The following MDN1 variants were observed in gnomAD, a reference collection of about 807,000 sequenced individuals.
MDN1 encodes midasin.
A neutral mutation model predicts 669.2 loss-of-function variants in MDN1; 266 were observed. That is an observed-to-expected ratio of 0.40 (90% CI 0.36 to 0.44). The LOEUF (loss-of-function observed/expected upper bound fraction) is 0.44. Ranked by LOEUF, MDN1 falls within the 20% of genes least tolerant of loss-of-function variation. The pLI is 1.00. For missense variants in MDN1, 5,940 were observed against 6,754.0 expected, an observed-to-expected ratio of 0.88 and a Z score of 4.22; for synonymous variants, 2,385 against 2,457.1, an observed-to-expected ratio of 0.97 and a Z score of 0.87.
intron 2 of MDN1, among the ~76,000 whole-genome samples, chr6:89,802,986 A>G (rs1450181004): frequency 6.6e-6 from 1 of 152,158 alleles, no homozygotes; most frequent in Non-Finnish European, 1.5e-5. Context: ...AATCTTTCCC[A>G]TTAGAGGTGG....
At chr6:89,803,621 GC>G in intron 1 of MDN1, 67 bp from the exon 2 acceptor site, 1 of 1,187,074 alleles carries the variant, frequency 8.4e-7, no homozygotes. Flanking sequence ...TCGCTCTGTC[GC>G]CCAGGAGCAA....
chr6:89,752,755 G>A (rs1817019646), intron 22 of MDN1, among the ~76,000 whole-genome samples: 1 of 152,160 alleles, frequency 6.6e-6, no homozygotes, highest in Non-Finnish European at 1.5e-5. Flanking sequence ...GCCCTTAGAA[G>A]GCATGTCACA....
intron 33 of MDN1, among the ~76,000 whole-genome samples, chr6:89,737,797 C>G (rs1816075309): frequency 6.7e-6 from 1 of 148,854 alleles, no homozygotes; most frequent in Admixed American, 6.8e-5. Context: ...GATCTTGGAT[C>G]ACTGCAACCT....
In MDN1 at chr6:89,747,298, A is replaced by G. The variant is rs750850249; in HGVS notation, c.3904+31T>C. ...AAAAAGTTTGACATTTAACATAACT[A>G]TATATTGAGAGCATTTGATTGAAAA... On this transcript the variant is annotated intron_variant, in intron 27 of 101. Coordinates refer to ENST00000369393, the MANE Select transcript of MDN1 (RefSeq NM_014611.3). 3 of 1,603,018 alleles carry G rather than the reference A, an allele frequency of 1.9e-6. No homozygotes were observed. The Admixed American group carries it at 5.3e-5, about 28-fold the overall frequency.
intron 71 of MDN1, among the ~76,000 whole-genome samples, chr6:89,684,195 T>C (rs1404654756): frequency 1.3e-5 from 2 of 151,694 alleles, no homozygotes; most frequent in Non-Finnish European, 2.9e-5. Flanking sequence ...ATAGAAAAAA[T>C]AGCCGGGCTT....
Position 89,656,775 on chromosome 6 carries a change from T to G in MDN1, c.15210A>C (p.Ala5070=). 6.2e-7 allele frequency: 1 copy of G among 1,613,806 alleles called. No individual in the cohort carries two copies. The highest frequency in any genetic ancestry group is 8.5e-7 in the Non-Finnish European group (1 of 1,179,828). Residue 5070 remains alanine (A), a synonymous_variant, in exon 91 of 102, where the codon GCA becomes GCC. Transcript: ENST00000369393. ...KEEHGSGAAD[A]NQAEGHESNF... Reference sequence around the variant, plus strand: ...TCGATTCATGGCCTTCTGCCTGGTTTGCATCTGCAGCTCCACTTCCGTGTT... The same window carrying G: ...TCGATTCATGGCCTTCTGCCTGGTTGGCATCTGCAGCTCCACTTCCGTGTT...
At position 89,699,028 on chromosome 6, in the gene MDN1, G is replaced by A. The variant is rs777942594; in HGVS notation, c.9005C>T (p.Pro3002Leu). The A allele has an allele frequency of 8.7e-6, 14 of 1,610,382 alleles. No individual in the cohort carries two copies. Among genetic ancestry groups the A allele is most frequent in the Middle Eastern group, 3.5e-4 (2 of 5,684 alleles). The change falls in exon 59 of 102, where the codon CCT becomes CTT. Residue 3002 changes from proline (P) to leucine (L), a missense_variant. Pro to Leu is a moderately conservative substitution (Grantham distance 98). Coordinates refer to ENST00000369393, the MANE Select transcript of MDN1 (RefSeq NM_014611.3). Reference protein sequence around the residue: ...WSLLHHQKVSPEEITSLWSEL... With the variant: ...WSLLHHQKVSLEEITSLWSEL... Reference sequence around the variant, plus strand: ...GGACCACAAAGATGTAATTTCTTCAGGAGACACCTAGAAATAAAGGAATAA... The same window carrying A: ...GGACCACAAAGATGTAATTTCTTCAAGAGACACCTAGAAATAAAGGAATAA...
chr6:89,806,401 A>C (rs1219719944), intron 1 of MDN1, among the ~76,000 whole-genome samples: 5 of 152,124 alleles, frequency 3.3e-5, no homozygotes, highest in African/African-American at 1.2e-4. Context: ...CATCTCTTCA[A>C]AAAAATAAAA....
At chr6:89,677,046 G>T (rs1282113821) in intron 76 of MDN1, among the ~76,000 whole-genome samples, 1 of 143,040 alleles carries the variant, frequency 7.0e-6, no homozygotes, top group African/African-American at 2.6e-5. Context: ...GGAAGAAGAA[G>T]AAGAATGGAG....
chr6:89,706,120 G>T lies in MDN1; in HGVS notation c.8087C>A (p.Ala2696Glu). Residue 2696 changes from alanine (A) to glutamate (E), a missense_variant, in exon 53 of 102, where the codon GCA (alanine) becomes GAA (glutamate). By Grantham distance (107) the Ala-to-Glu change is moderately radical. This residue lies in a region of MDN1 where 2,292 missense variants were observed against 2,638.3 expected (regional missense o/e 0.87). Coordinates refer to ENST00000369393, the MANE Select transcript of MDN1 (RefSeq NM_014611.3). ...NLAAFFELCD[A>E]LVLLWVQSSQ... The stretch of plus-strand genomic sequence containing the variant: ...GGACTGTACCCAGAGCAGGACTAGT[G>T]CATCACAAAGTTCAAAAAAAGCAGC... The T allele has an allele frequency of 6.2e-7, 1 of 1,613,430 alleles. No homozygotes were observed. Among genetic ancestry groups the T allele is most frequent in the Admixed American group, 1.7e-5 (1 of 60,012 alleles).
Position 89,700,843 on chromosome 6 carries a change from A to C in MDN1, c.8441T>G (p.Val2814Gly). 6.2e-7 allele frequency: 1 copy of C among 1,614,036 alleles called. No individual in the cohort carries two copies. Among genetic ancestry groups the C allele is most frequent in the Non-Finnish European group, 8.5e-7 (1 of 1,179,950 alleles). ...GACCTTCAGTTGTGAAAAACACTCC[A>C]CCACCAGCTTGTCCTGAAACAACAA... ...RPFPFKDKLV[V>G]ECFSQLKVLN... is the part of the protein sequence containing the mutation. Residue 2814 changes from valine (V) to glycine (G), a missense_variant, in exon 56 of 102, where the codon GTG (valine) becomes GGG (glycine). Transcript: ENST00000369393.
intron 70 of MDN1, 49 bp from the exon 71 acceptor site, chr6:89,685,034 T>C: frequency 7.8e-7 from 1 of 1,286,350 alleles, no homozygotes. Context: ...CTGCATGTGC[T>C]ACTGGTGCCA....
At chr6:89,747,800 A>G (rs1584310416) in intron 26 of MDN1, among the ~76,000 whole-genome samples, 2 of 147,962 alleles carry the variant, frequency 1.4e-5, no homozygotes, top group South Asian at 4.3e-4. Context: ...CTGAGGGAGG[A>G]GAACCGCATG....
At chr6:89,788,421 A>G (rs2128326056) in intron 7 of MDN1, among the ~76,000 whole-genome samples, 1 of 152,356 alleles carries the variant, frequency 6.6e-6, no homozygotes, top group Admixed American at 6.5e-5. Context: ...GAAATTAACC[A>G]GGTTTGGTGA....
chr6:89,747,926 A>G (rs1013194043), intron 26 of MDN1, among the ~76,000 whole-genome samples: 6 of 151,294 alleles, frequency 4.0e-5, no homozygotes, highest in African/African-American at 1.5e-4. Flanking sequence ...TAATTTTTTA[A>G]TGAAAATAAC....
rs1809315834 is a variant in MDN1 at position 89,656,551 on chromosome 6, T to A, written c.15285+149A>T. 4.2e-5 allele frequency: 28 copies of A among 663,298 alleles called. No homozygotes were observed. The South Asian group carries it at 5.5e-4, about 13-fold the overall frequency. The allele number at this position is 663,298 out of a possible 1,614,324, so 41.1% of individuals were successfully genotyped here. A position where few individuals can be genotyped will look rare whatever the true frequency, so the allele number is the denominator to read the frequency against. ...CTGGGTAAACCCCATGGTCGTGGTC[T>A]GCTCACCAAGGCTGCTATCATATCT... On this transcript the variant is annotated intron_variant, in intron 91 of 101. Coordinates refer to ENST00000369393, the MANE Select transcript of MDN1 (RefSeq NM_014611.3).
chr6:89,735,418 G>A (rs1815908081), intron 33 of MDN1, among the ~76,000 whole-genome samples: 1 of 147,916 alleles, frequency 6.8e-6, no homozygotes, highest in African/African-American at 2.5e-5. Flanking sequence ...CTGTTGCCCA[G>A]GCTGGAGTGC....
Position 89,722,971 on chromosome 6 carries a change from T to C in MDN1, c.5951A>G (p.Glu1984Gly), listed in dbSNP as rs1341986600. The C allele has an allele frequency of 6.2e-7, 1 of 1,611,596 alleles. No homozygotes were observed. The highest frequency in any genetic ancestry group is 2.2e-5 in the East Asian group (1 of 44,858). Residue 1984 changes from glutamate to glycine, a missense_variant, in exon 40 of 102, where the codon GAA becomes GGA. Glu to Gly is a moderately conservative substitution (Grantham distance 98, BLOSUM62 -2). Transcript: ENST00000369393. ...FLVYGERMRT[E>G]EDKKKVIAVF... ...GAAACTCACCTTTTTTTTGTCCTCT[T>C]CGGTTCTCATTCTTTCACCATAGAC...
In MDN1 at chr6:89,790,372, C is replaced by T. The variant is rs1371595807; in HGVS notation, c.885G>A (p.Gln295=). The part of the protein sequence containing the change: ...LGGNRSSSRE[Q]ELALRSYVLV... ...GCACATAAGACCTAAGGGCCAGCTC[C>T]TGTTCACGTGAAGAACTCCTATTAC... is the stretch of plus-strand genomic sequence containing the variant. The change falls in exon 6 of 102, where the codon CAG becomes CAA. Residue 295 remains glutamine, a synonymous_variant. Transcript: ENST00000369393. The T allele has an allele frequency of 6.2e-7, 1 of 1,613,982 alleles. No individual in the cohort carries two copies. The highest frequency in any genetic ancestry group is 1.7e-5 in the Admixed American group (1 of 59,952).
Sources: allele counts gnomAD v4.1 joint callset (sites outside exome capture counted in the v4.1 genomes callset), GRCh38; gene constraint gnomAD v4.1.1; regional missense constraint gnomAD v4.1.1; transcripts MANE v1.5; gene names NCBI Gene and HGNC (gene_info 2026-07-23, HGNC 2026-07-21).